ATP1B4: variants seen among roughly 807,000 people sequenced by gnomAD.
ATP1B4 encodes ATPase Na+/K+ transporting family member beta 4.
ATP1B4 carries 32 observed loss-of-function variants against 29.6 expected under a neutral mutation model. The observed-to-expected ratio is 1.08, with a 90% confidence interval of 0.82 to 1.45. The LOEUF (loss-of-function observed/expected upper bound fraction) is 1.45, where lower values mean the gene tolerates loss of function less well. Among genes scored for constraint, ATP1B4 ranks in the 40% most tolerant of loss-of-function variants. The pLI is 0.00. For synonymous variants in ATP1B4, 127 were observed against 102.1 expected (o/e 1.24, Z -1.47); for missense variants, 323 against 276.2 (o/e 1.17, Z -1.20).
intron 5 of ATP1B4, 149 bp downstream of exon 5, chrX:120,375,717 C>A: frequency 6.7e-6 from 3 of 449,655 alleles, no homozygotes; most frequent in Non-Finnish European, 1.1e-5. Flanking sequence ...ACCAGATAAA[C>A]CTATCAATTT....
intron 1 of ATP1B4, among the ~76,000 whole-genome samples, chrX:120,364,441 G>T (rs1196510082): frequency 1.8e-5 from 2 of 111,194 alleles, no homozygotes; most frequent in African/African-American, 6.6e-5. Flanking sequence ...AGTCAGGCAG[G>T]TATCACTGAT....
chrX:120,373,578 A>G (rs1005065538), intron 4 of ATP1B4, among the ~76,000 whole-genome samples: 1 of 112,192 alleles, frequency 8.9e-6, no homozygotes, highest in Non-Finnish European at 1.9e-5. Context: ...CATCATTTAG[A>G]ATCAAATTGG....
intron 4 of ATP1B4, among the ~76,000 whole-genome samples, chrX:120,372,244 T>C (rs1329188903): frequency 9.4e-6 from 1 of 106,734 alleles, no homozygotes; most frequent in African/African-American, 3.3e-5. Flanking sequence ...ACCTAATCTT[T>C]GTGGGGAAAA....
rs2058277259 is a variant in ATP1B4, at chrX:120,364,789, T to C, written c.64-1736T>C. Among the ~76,000 whole-genome samples, 3 of 112,179 alleles carry C rather than the reference T, an allele frequency of 2.7e-5. No homozygotes were observed. The Admixed American group carries it at 2.8e-4, about 11-fold the overall frequency. On this transcript the variant is annotated intron_variant, in intron 1 of 7. Transcript: ENST00000218008. ...TGGAGTACAGTGGCATGATCACAGC[T>C]CACTGCAGCCTTGACCTCCCAGGCT...
At chrX:120,374,242 G>C (rs987078125) in intron 4 of ATP1B4, among the ~76,000 whole-genome samples, 18 of 109,576 alleles carry the variant, frequency 1.6e-4, no homozygotes, top group Non-Finnish European at 2.8e-4. Context: ...GACAGTACCA[G>C]AGTCGGCCTC....
rs111367955 is a variant in ATP1B4, at chrX:120,376,337, T to C, written c.760-43T>C. ...AAGCCCAATTTTTTACTGTCAAATA[T>C]GTTTTGTTAAAAAAAAATAAAACAC... On this transcript the variant is annotated intron_variant, in intron 5 of 7. Transcript: ENST00000218008. The C allele has an allele frequency of 1.7e-3, 2,016 of 1,176,438 alleles. 23 individuals are homozygous for C. The East Asian group carries it at 0.043, about 25-fold the overall frequency.
chrX:120,380,264 T>TCACCA lies in ATP1B4; in HGVS notation c.*632_*636dup, dbSNP rs982516541. On this transcript the variant is annotated 3_prime_UTR_variant, in exon 8 of 8. Transcript: ENST00000218008. ...GCCTGGCAAGGTCCTTCCCTGGGAA[T>TCACCA]CACCACTCGGTCCAACCTAGACAAC... The TCACCA allele has an allele frequency of 1.7e-4, 19 of 110,757 alleles. No homozygotes were observed. The highest frequency in any genetic ancestry group is 5.9e-4 in the African/African-American group (18 of 30,335). The allele number at this position is 110,757 out of a possible 1,213,427, so 9.1% of individuals were successfully genotyped here.
At chrX:120,374,822 G>GTATA (rs376949260) in intron 4 of ATP1B4, among the ~76,000 whole-genome samples, 6 of 12,941 alleles carry the variant, frequency 4.6e-4, no homozygotes, top group Non-Finnish European at 6.4e-4. Flanking sequence ...ATATATAAGG[G>GTATA]TATATATATA....
chrX:120,375,271 A>G lies in ATP1B4; in HGVS notation c.563-101A>G, dbSNP rs1042776110. 2.3e-5 allele frequency: 17 copies of G among 753,140 alleles called. 1 individual carries two copies. Among genetic ancestry groups the G allele is most frequent in the Non-Finnish European group, 3.3e-5 (17 of 509,171 alleles). The allele number at this position is 753,140 out of a possible 1,213,427, so 62.1% of individuals were successfully genotyped here. Reference sequence around the variant, plus strand: ...AGTGGGCTTTCAGAGGAGTACAAACAAGCTGGAGAAAGGAAACTTGGGAGG... The same window carrying G: ...AGTGGGCTTTCAGAGGAGTACAAACGAGCTGGAGAAAGGAAACTTGGGAGG... On this transcript the variant is annotated intron_variant, in intron 4 of 7. Transcript: ENST00000218008.
intron 1 of ATP1B4, 149 bp downstream of exon 1, chrX:120,362,380 A>T (rs189077367): frequency 3.9e-6 from 2 of 515,904 alleles, no homozygotes; most frequent in Non-Finnish European, 6.6e-6. Context: ...GGTTTCAAAA[A>T]GGAGCAGTGA....
At chrX:120,378,164 A>G (rs1350902577) in intron 6 of ATP1B4, among the ~76,000 whole-genome samples, 1 of 111,970 alleles carries the variant, frequency 8.9e-6, no homozygotes, top group Non-Finnish European at 1.9e-5. Flanking sequence ...GTGCCTGTGT[A>G]TCAGGTACCT....
At chrX:120,365,235 C>G (rs1367099035) in intron 1 of ATP1B4, among the ~76,000 whole-genome samples, 3 of 111,920 alleles carry the variant, frequency 2.7e-5, no homozygotes. Flanking sequence ...AGGTCTCTGT[C>G]GGTTCTGATG....
intron 2 of ATP1B4, among the ~76,000 whole-genome samples, chrX:120,369,391 G>GT (rs749660013): frequency 5.4e-5 from 6 of 111,752 alleles, no homozygotes; most frequent in African/African-American, 9.8e-5. Flanking sequence ...ATTACTATGG[G>GT]TTTTTTTTCT....
At chrX:120,378,240 T>C (rs1203779842) in intron 6 of ATP1B4, among the ~76,000 whole-genome samples, 1 of 111,826 alleles carries the variant, frequency 8.9e-6, no homozygotes, top group Middle Eastern at 4.6e-3. Context: ...TGGGATTTAC[T>C]AAATATGTTC....
intron 2 of ATP1B4, 102 bp from the exon 3 acceptor site, chrX:120,370,613 A>C: frequency 1.0e-5 from 10 of 1,002,666 alleles, no homozygotes; most frequent in Non-Finnish European, 1.3e-5. Context: ...AATTTTTTAA[A>C]GAGCTATTTC....
chrX:120,373,753 G>T (rs2058325742), intron 4 of ATP1B4, among the ~76,000 whole-genome samples: 1 of 111,757 alleles, frequency 8.9e-6, no homozygotes, highest in Non-Finnish European at 1.9e-5. Flanking sequence ...AATGTCTCAG[G>T]CCTCAGTTGA....
chrX:120,368,196 G>A (rs1477271921), intron 2 of ATP1B4, among the ~76,000 whole-genome samples: 1 of 111,359 alleles, frequency 9.0e-6, no homozygotes, highest in Non-Finnish European at 1.9e-5. Context: ...TATGGCAATA[G>A]GGACACAGCA....
intron 1 of ATP1B4, 126 bp from the exon 2 acceptor site, chrX:120,366,399 T>C: frequency 1.3e-6 from 1 of 793,588 alleles, no homozygotes; most frequent in Non-Finnish European, 1.8e-6. Context: ...AACATGTATG[T>C]TTATGGGAAA....
chrX:120,377,008 A>G (rs1409395141), intron 6 of ATP1B4, among the ~76,000 whole-genome samples: 1 of 112,109 alleles, frequency 8.9e-6, no homozygotes, highest in Non-Finnish European at 1.9e-5. Flanking sequence ...GCTCCCTTGT[A>G]GGAAAAAGCC....
Sources: gnomAD v4.1 joint callset for allele counts (sites outside exome capture counted in the v4.1 genomes callset) on GRCh38, gnomAD v4.1.1 for gene constraint, MANE v1.5 for transcripts, NCBI Gene and HGNC (gene_info 2026-07-23, HGNC 2026-07-21) for gene names.